MAF: variants seen among roughly 807,000 people sequenced by gnomAD.
The protein encoded by MAF is transcription factor Maf.
In MAF, 10 loss-of-function variants were observed where a neutral mutation model predicts 22.0. The ratio of observed to expected loss-of-function variants is 0.45; its 90% CI spans 0.28 to 0.77. MAF has a LOEUF of 0.77. Among genes scored for constraint, MAF ranks in the 30% least tolerant of loss-of-function variants. The pLI is 0.12. For synonymous variants in MAF, 337 were observed against 255.8 expected (o/e 1.32, Z -3.03); for missense variants, 544 against 548.4 (o/e 0.99, Z 0.08).
chr16:79,331,646 G>C, the MAF span, among the ~76,000 whole-genome samples: 37 of 152,294 alleles, frequency 2.4e-4, no homozygotes, highest in African/African-American at 8.7e-4. Context: ...AAGAGCCACA[G>C]ACATCCTTTA....
At chr16:79,407,752 C>T in the MAF span, among the ~76,000 whole-genome samples, 4 of 152,058 alleles carry the variant, frequency 2.6e-5, no homozygotes, top group Non-Finnish European at 5.9e-5. Flanking sequence ...AGCACCCCTC[C>T]GTCCTGACAC....
the MAF span, among the ~76,000 whole-genome samples, chr16:79,304,064 A>G: frequency 6.6e-6 from 1 of 152,346 alleles, no homozygotes; most frequent in South Asian, 2.1e-4. Context: ...ATGGGTGGGA[A>G]CCTTGTGGGA....
At chr16:79,512,199 G>C in the MAF span, among the ~76,000 whole-genome samples, 1 of 152,114 alleles carries the variant, frequency 6.6e-6, no homozygotes, top group African/African-American at 2.4e-5. Flanking sequence ...ATCTAAGCTA[G>C]AGGCACAAAG....
the MAF span, chr16:79,205,549 A>C: frequency 6.6e-6 from 1 of 152,172 alleles, no homozygotes. Flanking sequence ...CACACTTCTA[A>C]AGCCTGAAAA....
At chr16:79,578,151 T>C in the MAF span, among the ~76,000 whole-genome samples, 3 of 152,248 alleles carry the variant, frequency 2.0e-5, no homozygotes, top group African/African-American at 7.2e-5. Flanking sequence ...ATGATCACTT[T>C]TTTAAACCAG....
At chr16:79,256,828 G>A in the MAF span, among the ~76,000 whole-genome samples, 1 of 152,074 alleles carries the variant, frequency 6.6e-6, no homozygotes, top group Non-Finnish European at 1.5e-5. Context: ...CGTGAGTCTA[G>A]GCATGGGATC....
At chr16:79,399,633 T>C in the MAF span, among the ~76,000 whole-genome samples, 1,737 of 152,096 alleles carry the variant, frequency 0.011, 36 homozygotes, top group African/African-American at 0.04. Context: ...TTTTGAGGGA[T>C]AGAAGAGGGT....
the MAF span, among the ~76,000 whole-genome samples, chr16:79,409,304 G>A: frequency 6.6e-6 from 1 of 152,204 alleles, no homozygotes; most frequent in South Asian, 2.1e-4. Context: ...GGCATGGAAA[G>A]GAAGTCGCGC....
At chr16:79,575,456 G>A in the MAF span, among the ~76,000 whole-genome samples, 3 of 152,266 alleles carry the variant, frequency 2.0e-5, no homozygotes, top group East Asian at 1.9e-4. Context: ...CTTAGCTACT[G>A]CTGACTGGAC....
the MAF span, among the ~76,000 whole-genome samples, chr16:79,381,020 T>C: frequency 1.3e-5 from 2 of 152,268 alleles, no homozygotes; most frequent in Non-Finnish European, 2.9e-5. Flanking sequence ...ATCCTGGCAG[T>C]CCTTTGCCCT....
chr16:79,216,308 CACAT>C, the MAF span, among the ~76,000 whole-genome samples: 2 of 146,128 alleles, frequency 1.4e-5, no homozygotes, highest in Non-Finnish European at 3.1e-5. Flanking sequence ...AGATGTATAA[CACAT>C]ATATGTGGCA....
the MAF span, among the ~76,000 whole-genome samples, chr16:79,549,228 G>C: frequency 6.7e-6 from 1 of 149,656 alleles, no homozygotes; most frequent in Non-Finnish European, 1.5e-5. Context: ...CAGTCATGGC[G>C]TGCCCAACAT....
downstream of MAF, among the ~76,000 whole-genome samples, chr16:79,589,452 T>G (rs142833747): frequency 6.6e-5 from 10 of 152,244 alleles, no homozygotes; most frequent in East Asian, 1.9e-3. Context: ...GCCTTTCTCT[T>G]TTTCCCTCTT....
chr16:79,513,615 G>A, the MAF span, among the ~76,000 whole-genome samples: 1 of 152,266 alleles, frequency 6.6e-6, no homozygotes, highest in South Asian at 2.1e-4. Flanking sequence ...TTGACCAGTT[G>A]CGGAATCTCA....
At chr16:79,210,659 T>C in the MAF span, among the ~76,000 whole-genome samples, 1 of 152,238 alleles carries the variant, frequency 6.6e-6, no homozygotes, top group Admixed American at 6.5e-5. Context: ...GTATTGGTTT[T>C]AAATTAGAGA....
chr16:79,465,926 A>G, the MAF span, among the ~76,000 whole-genome samples: 1 of 152,218 alleles, frequency 6.6e-6, no homozygotes, highest in Non-Finnish European at 1.5e-5. Context: ...TGATGGATAC[A>G]TTTGCAAATA....
chr16:79,300,649 A>G, the MAF span, among the ~76,000 whole-genome samples: 2 of 152,176 alleles, frequency 1.3e-5, no homozygotes, highest in Admixed American at 1.3e-4. Flanking sequence ...TTATGAAAAT[A>G]AAAACCAAAT....
chr16:79,331,925 C>A, the MAF span, among the ~76,000 whole-genome samples: 1 of 152,214 alleles, frequency 6.6e-6, no homozygotes, highest in Non-Finnish European at 1.5e-5. Flanking sequence ...GGCATCCTAT[C>A]TCTATCATTC....
the MAF span, among the ~76,000 whole-genome samples, chr16:79,542,883 G>A: frequency 6.6e-6 from 1 of 152,182 alleles, no homozygotes; most frequent in Admixed American, 6.5e-5. Context: ...GTTAGACTCT[G>A]GGTGGTTTTT....
Sources: gnomAD v4.1 joint callset for allele counts (sites outside exome capture counted in the v4.1 genomes callset) on GRCh38, gnomAD v4.1.1 for gene constraint, MANE v1.5 for transcripts, NCBI Gene and HGNC (gene_info 2026-07-23, HGNC 2026-07-21) for gene names.